PPM1B: variants seen among roughly 807,000 people sequenced by gnomAD.
PPM1B encodes the protein protein phosphatase 1B.
Under a neutral mutation model 43.0 loss-of-function variants are expected in PPM1B, and 22 were observed. That is an observed-to-expected ratio of 0.51 (90% CI 0.37 to 0.73). The LOEUF is 0.73. Ranked by LOEUF, PPM1B falls within the 30% of genes least tolerant of loss-of-function variation. The pLI is 0.00. For missense variants in PPM1B, 632 were observed against 584.2 expected, an observed-to-expected ratio of 1.08 and a Z score of -0.84; for synonymous variants, 217 against 197.9, an observed-to-expected ratio of 1.10 and a Z score of -0.81.
At chr2:44,206,276 A>G (rs1339270336) in intron 2 of PPM1B, among the ~76,000 whole-genome samples, 1 of 152,260 alleles carries the variant, frequency 6.6e-6, no homozygotes, top group African/African-American at 2.4e-5. Flanking sequence ...TATACTGATT[A>G]TACAAGGATG....
intron 2 of PPM1B, among the ~76,000 whole-genome samples, chr2:44,208,570 G>A (rs987989481): frequency 3.3e-5 from 5 of 152,046 alleles, no homozygotes; most frequent in African/African-American, 9.7e-5. Flanking sequence ...AAAATTAGCC[G>A]GGCCTGGTGG....
chr2:44,242,335 ATTAACT>A, intron 5 of PPM1B, among the ~76,000 whole-genome samples: 1 of 152,304 alleles, frequency 6.6e-6, no homozygotes, highest in Non-Finnish European at 1.5e-5. Context: ...AATAATACAC[ATTAACT>A]TTAGAACAGT....
chr2:44,198,229 C>T (rs546878757), intron 1 of PPM1B, among the ~76,000 whole-genome samples: 4 of 152,212 alleles, frequency 2.6e-5, no homozygotes, highest in South Asian at 2.1e-4. Context: ...GGCACGATCC[C>T]GGCTCACCAC....
rs992240458 is a variant in PPM1B at position 44,211,196 on chromosome 2, A to T, written c.964+1869A>T. Among the ~76,000 whole-genome samples the T allele has an allele frequency of 2.6e-5, 4 of 152,290 alleles. No individual in the cohort carries two copies. In the East Asian group the frequency reaches 7.7e-4, roughly 29 times the overall value. ...TATTACTTTGTAATCCACAGATCCCATTTAAATTTCCCTAATTATCCCAGT... is the reference window on the plus strand; with the variant it reads ...TATTACTTTGTAATCCACAGATCCCTTTTAAATTTCCCTAATTATCCCAGT... On this transcript the variant is annotated intron_variant, in intron 3 of 5. Coordinates refer to ENST00000282412, the MANE Select transcript of PPM1B (RefSeq NM_002706.6).
intron 1 of PPM1B, among the ~76,000 whole-genome samples, chr2:44,195,659 A>T (rs1277130632): frequency 6.6e-6 from 1 of 152,236 alleles, no homozygotes; most frequent in African/African-American, 2.4e-5. Context: ...CATGGGTGAC[A>T]GAGCAAGATC....
chr2:44,206,071 A>T (rs1006265451), intron 2 of PPM1B, among the ~76,000 whole-genome samples: 1 of 152,196 alleles, frequency 6.6e-6, no homozygotes, highest in Non-Finnish European at 1.5e-5. Flanking sequence ...TTAAGTTTAG[A>T]TGCCCTTATT....
In PPM1B at chr2:44,202,049, T is replaced by G; in HGVS notation, c.846+4T>G. The G allele has an allele frequency of 6.6e-7, 1 of 1,514,556 alleles. No individual in the cohort carries two copies. The highest frequency in any genetic ancestry group is 8.8e-7 in the Non-Finnish European group (1 of 1,132,808). The allele number at this position is 1,514,556 out of a possible 1,614,324, so 93.8% of individuals were successfully genotyped here. ...AGTGGACACTTGTTTACACAAGGTA[T>G]GTAAACTTTTTTGTCATTAAAATAA... On this transcript the variant is annotated splice_donor_region_variant and intron_variant, in intron 2 of 5. Coordinates refer to ENST00000282412, the MANE Select transcript of PPM1B (RefSeq NM_002706.6).
chr2:44,191,987 T>C (rs373768563), intron 1 of PPM1B, among the ~76,000 whole-genome samples: 107 of 152,234 alleles, frequency 7.0e-4, no homozygotes, highest in Middle Eastern at 6.8e-3. Context: ...CTTTCTCTAA[T>C]AGCTGTTAGT....
At chr2:44,222,129 A>G (rs1245947255) in intron 5 of PPM1B, among the ~76,000 whole-genome samples, 1 of 152,204 alleles carries the variant, frequency 6.6e-6, no homozygotes, top group Non-Finnish European at 1.5e-5. Flanking sequence ...GGGCTCTGGG[A>G]TCATACTCCT....
intron 2 of PPM1B, among the ~76,000 whole-genome samples, chr2:44,203,250 C>T (rs537743499): frequency 2.3e-4 from 35 of 152,276 alleles, no homozygotes; most frequent in African/African-American, 8.2e-4. Flanking sequence ...GTACCTCTAG[C>T]TCCTCTGATT....
At chr2:44,197,429 A>G (rs1352381333) in intron 1 of PPM1B, among the ~76,000 whole-genome samples, 1 of 152,142 alleles carries the variant, frequency 6.6e-6, no homozygotes, top group African/African-American at 2.4e-5. Flanking sequence ...ACTAATGTTA[A>G]CTTTTTGCAT....
chr2:44,205,951 G>GC (rs1409259420), intron 2 of PPM1B, among the ~76,000 whole-genome samples: 1 of 152,184 alleles, frequency 6.6e-6, no homozygotes, highest in East Asian at 1.9e-4. Flanking sequence ...GGGATGCAGA[G>GC]GTTGCAGTGA....
Position 44,178,474 on chromosome 2 carries a change from A to ATATATAT in PPM1B, c.-15+9201_-15+9202insATATATT, listed in dbSNP as rs1445760590. On this transcript the variant is annotated intron_variant, in intron 1 of 5. Coordinates refer to ENST00000282412, the MANE Select transcript of PPM1B (RefSeq NM_002706.6). Reference sequence around the variant, plus strand: ...TATGTATATATATATATATATATATATTTTTTTTTTTAGACAGAGTTTCGC... The same window carrying ATATATAT: ...TATGTATATATATATATATATATATATATATATTTTTTTTTTTTAGACAGAGTTTCGC... 3.5e-3 allele frequency among the ~76,000 whole-genome samples: 467 copies of ATATATAT among 135,284 alleles called. 2 individuals are homozygous for ATATATAT. Among genetic ancestry groups the ATATATAT allele is most frequent in the African/African-American group, 0.012 (444 of 36,022 alleles). 88.8% of individuals were successfully genotyped at this position (135,284 alleles called of 152,430 possible).
chr2:44,244,709 T>C (rs1010837774), downstream of PPM1B, among the ~76,000 whole-genome samples: 3 of 151,694 alleles, frequency 2.0e-5, no homozygotes, highest in Non-Finnish European at 1.5e-5. Flanking sequence ...TGAAAGGAAC[T>C]GGCTTGTTCT....
chr2:44,201,148 C>G lies in PPM1B; in HGVS notation c.-14-38C>G, dbSNP rs1414363405. ...GGAATATTGTACATACATTTTCTGT[C>G]AAATTTAAACATTTAACACCTGCAT... On this transcript the variant is annotated intron_variant, in intron 1 of 5. Coordinates refer to ENST00000282412, the MANE Select transcript of PPM1B (RefSeq NM_002706.6). The surrounding 1 kb of genome is among the most constrained non-coding windows in gnomAD (Gnocchi z 5.4). 3 of 1,514,782 alleles carry G rather than the reference C, an allele frequency of 2.0e-6. No individual in the cohort carries two copies. Among genetic ancestry groups the G allele is most frequent in the Admixed American group, 2.1e-5 (1 of 48,656 alleles). 93.8% of individuals were successfully genotyped at this position (1,514,782 alleles called of 1,614,324 possible).
downstream of PPM1B, among the ~76,000 whole-genome samples, chr2:44,239,439 TTTTTTC>T (rs1670699592): frequency 1.3e-5 from 2 of 152,098 alleles, no homozygotes; most frequent in Non-Finnish European, 2.9e-5. Flanking sequence ...CTGTTTTTCT[TTTTTTC>T]TTTGTTTATG....
At chr2:44,217,922 T>G (rs1252524080) in intron 3 of PPM1B, 45 bp from the exon 4 acceptor site, 2 of 1,288,878 alleles carry the variant, frequency 1.6e-6, no homozygotes, top group Non-Finnish European at 2.2e-6. Flanking sequence ...TGGTGAGTAC[T>G]GGCTTATCAC....
At chr2:44,238,928 T>A (rs189081007), downstream of PPM1B, among the ~76,000 whole-genome samples, 30 of 152,056 alleles carry the variant, frequency 2.0e-4, no homozygotes, top group South Asian at 2.1e-4. Context: ...AAAGCCTTAA[T>A]GTAAACTGAA....
At chr2:44,230,155 A>C (rs781343094) in intron 5 of PPM1B, 1 of 1,437,636 alleles carries the variant, frequency 7.0e-7, no homozygotes, top group Non-Finnish European at 9.1e-7. Context: ...AAGCTGAGTA[A>C]ATTTCAGATT....
Sources: allele counts gnomAD v4.1 joint callset (sites outside exome capture counted in the v4.1 genomes callset), GRCh38; gene constraint gnomAD v4.1.1; non-coding constraint Gnocchi (gnomAD v3.1); transcripts MANE v1.5; gene names NCBI Gene and HGNC (gene_info 2026-07-23, HGNC 2026-07-21).